PASK: variants seen among roughly 807,000 people sequenced by gnomAD.
PASK encodes PAS domain containing serine/threonine kinase.
A neutral mutation model predicts 121.0 loss-of-function variants in PASK; 110 were observed. The observed-to-expected ratio is 0.91, with a 90% CI of 0.78 to 1.06. PASK has a LOEUF of 1.06. PASK is among the 50% of genes least tolerant of loss of function. The probability of loss-of-function intolerance (pLI) is 0.00; values close to 1 mark genes in which losing one functional copy is unlikely to be tolerated. For synonymous variants in PASK, 686 were observed against 717.8 expected (o/e 0.96, Z 0.71); for missense variants, 1,643 against 1,702.3 (o/e 0.97, Z 0.61).
chr2:241,138,850 G>T, intron 4 of PASK, 56 bp from the exon 5 acceptor site: 2 of 1,590,816 alleles, frequency 1.3e-6, no homozygotes, highest in African/African-American at 1.3e-5. Context: ...GACCAGTATG[G>T]GTGGGGCACC....
In PASK at chr2:241,138,802, AACAG is replaced by A; in HGVS notation, c.601-12_601-9del. On this transcript the variant is annotated splice_polypyrimidine_tract_variant and intron_variant, in intron 4 of 17. Coordinates refer to ENST00000234040, the MANE Select transcript of PASK (RefSeq NM_015148.4). ...ACGGCTGATGATGTCCACCTGTGGAAACAGACAGGTTCACACCTGCATGCCATGA... is the reference window on the plus strand; with the variant it reads ...ACGGCTGATGATGTCCACCTGTGGAAACAGGTTCACACCTGCATGCCATGA... The A allele has an allele frequency of 6.2e-7, 1 of 1,613,868 alleles. No homozygotes were observed. Among genetic ancestry groups the A allele is most frequent in the Non-Finnish European group, 8.5e-7 (1 of 1,179,996 alleles).
At position 241,126,253 on chromosome 2, in the gene PASK, C is replaced by T. The variant is rs777993653; in HGVS notation, c.2662G>A (p.Glu888Lys). 1.2e-6 allele frequency: 2 copies of T among 1,614,146 alleles called. No homozygotes were observed. Among genetic ancestry groups the T allele is most frequent in the East Asian group, 2.2e-5 (1 of 44,874 alleles). ...CCGGAGTAGGCACCCTCCTGGATCT[C>T]CCGCTGCAGGCCAGCAGCCCCGCGC... ...VMRGAAGLQR[E>K]IQEGAYSGSC... The change falls in exon 10 of 18, where the codon GAG (glutamate) becomes AAG (lysine). Residue 888 changes from glutamate to lysine, a missense_variant. Around this residue, in one of 3 missense-constraint regions of PASK, gnomAD observed 1,176 missense variants for 1,162.2 expected, o/e 1.01. Coordinates refer to ENST00000234040, the MANE Select transcript of PASK (RefSeq NM_015148.4).
chr2:241,140,011 G>A lies in PASK; in HGVS notation c.474C>T (p.Ser158=), dbSNP rs770786762. 1 of 1,613,488 alleles carries A rather than the reference G, an allele frequency of 6.2e-7. No homozygotes were observed. The highest frequency in any genetic ancestry group is 1.3e-5 in the African/African-American group (1 of 74,950). Residue 158 remains serine (S), a synonymous_variant, in exon 4 of 18, where the codon AGC becomes AGT. Transcript: ENST00000234040. The part of the protein sequence containing the change: ...NDKACGLLGY[S]SQDLIGQKLT... ...GCTTCTGGCCAATCAGGTCCTGGCT[G>A]CTGTACCCCAGGAGCCCGCAAGCTT...
chr2:241,116,910 T>C lies in PASK; in HGVS notation c.3073-1497A>G, dbSNP rs377152974. Among the ~76,000 whole-genome samples the C allele has an allele frequency of 2.6e-5, 4 of 152,176 alleles. No individual in the cohort carries two copies. In the East Asian group the frequency reaches 7.8e-4, roughly 30 times the overall value. The stretch of plus-strand genomic sequence containing the variant: ...ATGAGTGCCAAGAAGGAAAAAAAGA[T>C]GGGGCAGGAAGTGCCGCGGGGGTGC... On this transcript the variant is annotated intron_variant, in intron 12 of 17. Transcript: ENST00000234040.
intron 12 of PASK, 107 bp from the exon 13 acceptor site, chr2:241,115,520 C>A: frequency 7.4e-7 from 1 of 1,353,914 alleles, no homozygotes; most frequent in Non-Finnish European, 1.0e-6. Flanking sequence ...CAGGGCCACC[C>A]GGTCCTCAAG....
intron 12 of PASK, among the ~76,000 whole-genome samples, chr2:241,120,442 A>T (rs893849957): frequency 7.9e-5 from 12 of 151,828 alleles, no homozygotes; most frequent in Non-Finnish European, 1.8e-4. Flanking sequence ...GCAGTGAGCC[A>T]AGATTGTGCC....
chr2:241,125,731 G>A (rs374224942), intron 10 of PASK, among the ~76,000 whole-genome samples: 1 of 152,230 alleles, frequency 6.6e-6, no homozygotes, highest in East Asian at 1.9e-4. Context: ...CAGAGATCAG[G>A]GCAGCCTAAA....
chr2:241,128,874 A>G (rs1475637722), intron 9 of PASK, among the ~76,000 whole-genome samples: 1 of 150,924 alleles, frequency 6.6e-6, no homozygotes, highest in Non-Finnish European at 1.5e-5. Context: ...AAAAAAAAAG[A>G]CGGAAGAGGA....
intron 14 of PASK, chr2:241,114,290 A>T (rs2065234258): frequency 1.0e-6 from 1 of 985,310 alleles, no homozygotes; most frequent in African/African-American, 1.7e-5. Flanking sequence ...GTGTAGCTTT[A>T]AGGAAGAAAT....
At chr2:241,119,675 T>G (rs1260918848) in intron 12 of PASK, among the ~76,000 whole-genome samples, 1 of 152,158 alleles carries the variant, frequency 6.6e-6, no homozygotes, top group Non-Finnish European at 1.5e-5. Flanking sequence ...TTTCACCGTG[T>G]TAGCCAGGAT....
At chr2:241,114,057 G>A (rs1337929681) in intron 14 of PASK, 1 of 983,562 alleles carries the variant, frequency 1.0e-6, no homozygotes, top group Admixed American at 6.1e-5. Flanking sequence ...CAGCTGTCAG[G>A]CAGCAGCTTT....
chr2:241,132,564 A>G (rs1430754892), intron 9 of PASK, among the ~76,000 whole-genome samples: 1 of 150,708 alleles, frequency 6.6e-6, no homozygotes, highest in Non-Finnish European at 1.5e-5. Flanking sequence ...AGAAAATGAT[A>G]AAATTATGAT....
At chr2:241,121,123 C>T (rs998550598) in intron 12 of PASK, among the ~76,000 whole-genome samples, 5 of 152,152 alleles carry the variant, frequency 3.3e-5, no homozygotes, top group African/African-American at 1.2e-4. Flanking sequence ...CCAGAATAGG[C>T]AAATCTATTG....
chr2:241,147,375 T>C (rs2067001985), intron 1 of PASK, among the ~76,000 whole-genome samples: 2 of 152,118 alleles, frequency 1.3e-5, no homozygotes, highest in African/African-American at 4.8e-5. Flanking sequence ...ATATACCCAG[T>C]ACTTTGGGAG....
At chr2:241,133,080 A>C (rs1196794477) in intron 8 of PASK, 50 bp from the exon 9 acceptor site, 1 of 1,574,788 alleles carries the variant, frequency 6.4e-7, no homozygotes, top group African/African-American at 1.3e-5. Flanking sequence ...GCACTCCCTA[A>C]AACGAATCTG....
chr2:241,140,904 G>T lies in PASK; in HGVS notation c.197-151C>A, dbSNP rs1454019548. 4.4e-6 allele frequency: 3 copies of T among 683,602 alleles called. No homozygotes were observed. In the South Asian group the frequency reaches 4.8e-5, roughly 11 times the overall value. The allele number at this position is 683,602 out of a possible 1,614,324, so 42.3% of individuals were successfully genotyped here. A position where few individuals can be genotyped will look rare whatever the true frequency, so the allele number is the denominator to read the frequency against. On this transcript the variant is annotated intron_variant, in intron 2 of 17. Coordinates refer to ENST00000234040, the MANE Select transcript of PASK (RefSeq NM_015148.4). The stretch of plus-strand genomic sequence containing the variant: ...TGCACAGCTAACACACACTCTCACT[G>T]CGTGTCTGAACATGGTCCCCAGAAT...
intron 12 of PASK, among the ~76,000 whole-genome samples, chr2:241,116,142 G>A (rs7581990): frequency 0.13 from 16,437 of 125,518 alleles, 2,465 homozygotes; most frequent in East Asian, 0.36. Context: ...GGGCCACCCA[G>A]TCCTCAAGCA....
rs1559349283 is a variant in PASK, at chr2:241,106,579, AG to A, written c.3958del (p.Leu1320CysfsTer2). The A allele has an allele frequency of 6.2e-7, 1 of 1,614,254 alleles. No homozygotes were observed. The highest frequency in any genetic ancestry group is 1.7e-5 in the Admixed American group (1 of 60,036). On this transcript the variant is annotated frameshift_variant, in exon 18 of 18. Transcript: ENST00000234040. LOFTEE classifies it high-confidence loss of function. ...AGAAATTGGTGTTTAGCTGGTCAGCAGACGGGGATCCCCGGGATGCAAACAG... is the reference window on the plus strand; with the variant it reads ...AGAAATTGGTGTTTAGCTGGTCAGCAACGGGGATCCCCGGGATGCAAACAG... ...QGCLHPGDPR[L>X]LTS is the part of the protein sequence containing the mutation.
upstream of PASK, chr2:241,149,914 C>T (rs1262613728): frequency 1.4e-6 from 2 of 1,433,748 alleles, no homozygotes; most frequent in Non-Finnish European, 1.8e-6. Context: ...GTGCCCCGCA[C>T]CTGCCCGCCT....
Sources: gnomAD v4.1 joint callset for allele counts (sites outside exome capture counted in the v4.1 genomes callset) on GRCh38, gnomAD v4.1.1 for gene constraint, gnomAD v4.1.1 regional missense constraint, MANE v1.5 for transcripts, NCBI Gene and HGNC (gene_info 2026-07-23, HGNC 2026-07-21) for gene names.